VNN2: variants seen among roughly 807,000 people sequenced by gnomAD.
VNN2 encodes vanin 2.
In VNN2, 43 loss-of-function variants were observed where a neutral mutation model predicts 43.0. The observed-to-expected ratio is 1.00, with a 90% CI of 0.78 to 1.29. The LOEUF (loss-of-function observed/expected upper bound fraction) is 1.29, where lower values mean the gene tolerates loss of function less well. Among genes scored for constraint, VNN2 ranks in the 50% most tolerant of loss-of-function variants. The pLI is 0.00. For missense variants in VNN2, 652 were observed against 619.7 expected, an observed-to-expected ratio of 1.05 and a Z score of -0.55; for synonymous variants, 230 against 224.3, an observed-to-expected ratio of 1.03 and a Z score of -0.23.
intron 5 of VNN2, among the ~76,000 whole-genome samples, chr6:132,750,848 C>A (rs1780028228): frequency 6.6e-6 from 1 of 152,078 alleles, no homozygotes; most frequent in Non-Finnish European, 1.5e-5. Context: ...TCTTGATGTT[C>A]TCCACAGTAG....
chr6:132,757,717 T>C lies in VNN2; in HGVS notation c.167A>G (p.Glu56Gly), dbSNP rs756319170. 6 of 1,614,202 alleles carry C rather than the reference T, an allele frequency of 3.7e-6. No individual in the cohort carries two copies. The Admixed American group carries it at 1.0e-4, about 27-fold the overall frequency. ...SQEDALNLMNENIDILETAIK... is the reference protein window; with the variant it reads ...SQEDALNLMNGNIDILETAIK... Reference sequence around the variant, plus strand: ...CGCTGTCTCCAGAATGTCTATATTCTCGTTCATGAGATTCAAGGCATCCTC... The same window carrying C: ...CGCTGTCTCCAGAATGTCTATATTCCCGTTCATGAGATTCAAGGCATCCTC... The change falls in exon 1 of 7, where the codon GAG becomes GGG. Residue 56 changes from glutamate to glycine, a missense_variant. By Grantham distance (98) the Glu-to-Gly change is moderately conservative. Coordinates refer to ENST00000326499, the MANE Select transcript of VNN2 (RefSeq NM_004665.6).
upstream of VNN2, among the ~76,000 whole-genome samples, chr6:132,761,400 T>A (rs1373907900): frequency 6.7e-6 from 1 of 148,610 alleles, no homozygotes; most frequent in Admixed American, 6.7e-5. Flanking sequence ...TGACTCATGG[T>A]TGTAATCCCT....
chr6:132,753,134 C>T (rs1780233068), intron 3 of VNN2: 1 of 200,080 alleles, frequency 5.0e-6, no homozygotes, highest in African/African-American at 2.4e-5. Flanking sequence ...GCAATCTCCA[C>T]CTCCTGAGTT....
upstream of VNN2, among the ~76,000 whole-genome samples, chr6:132,758,908 G>A (rs542295032): frequency 2.6e-5 from 4 of 152,102 alleles, no homozygotes; most frequent in East Asian, 3.9e-4. Flanking sequence ...AGGATACTCC[G>A]CTTCTTTCCT....
chr6:132,761,942 G>A (rs781167004), upstream of VNN2, among the ~76,000 whole-genome samples: 8 of 152,078 alleles, frequency 5.3e-5, no homozygotes, highest in African/African-American at 1.2e-4. Flanking sequence ...AGACTACAAC[G>A]CAGATGACAA....
intron 6 of VNN2, 110 bp from the exon 7 acceptor site, chr6:132,744,601 AT>A: frequency 9.0e-7 from 1 of 1,114,970 alleles, no homozygotes; most frequent in Non-Finnish European, 1.2e-6. Context: ...ATCATTTCTG[AT>A]TTAGGAGGAT....
chr6:132,750,135 C>T lies in VNN2; in HGVS notation c.1201-270G>A, dbSNP rs556576581. Among the ~76,000 whole-genome samples, 475 of 152,186 alleles carry T rather than the reference C, an allele frequency of 3.1e-3. 1 individual carries two copies. The highest frequency in any genetic ancestry group is 5.4e-3 in the Non-Finnish European group (367 of 68,012). On this transcript the variant is annotated intron_variant, in intron 5 of 6. Transcript: ENST00000326499. ...AGTTTGGTATGTCAGATGATGGCAT[C>T]GAGCTCAATGAAGTGGAGATCTTTG...
rs571321739 is a variant in VNN2, at chr6:132,750,864, T to C, written c.1200+281A>G. On this transcript the variant is annotated intron_variant, in intron 5 of 6. Transcript: ENST00000326499. ...CTTGATGTTCTCCACAGTAGGCTGG[T>C]TTATTAGTCAAATCGAAACTCATCA... is the stretch of plus-strand genomic sequence containing the variant. Among the ~76,000 whole-genome samples, 23 of 152,296 alleles carry C rather than the reference T, an allele frequency of 1.5e-4. No homozygotes were observed. In the East Asian group the frequency reaches 2.9e-3, roughly 19 times the overall value.
Position 132,751,386 on chromosome 6 carries a change from C to T in VNN2, c.959G>A (p.Trp320Ter), listed in dbSNP as rs530061512. The change falls in exon 5 of 7, where the codon TGG becomes TAG. Residue 320 changes from tryptophan (W) to a stop codon, truncating the protein, a stop_gained. Transcript: ENST00000326499. LOFTEE classifies it high-confidence loss of function. ...TTTGATGGTGGTGGCGTAGGCATTC[C>T]AATTAACAGCTGTTGGGTAGGCAAG... Reference protein sequence around the residue: ...SSLAYPTAVNWNAYATTIKPF... With the variant: ...SSLAYPTAVN 6 of 1,614,116 alleles carry T rather than the reference C, an allele frequency of 3.7e-6. No individual in the cohort carries two copies. The South Asian group carries it at 5.5e-5, about 15-fold the overall frequency.
intron 5 of VNN2, among the ~76,000 whole-genome samples, chr6:132,750,572 G>A (rs1780005725): frequency 1.4e-5 from 2 of 146,248 alleles, no homozygotes; most frequent in Non-Finnish European, 1.5e-5. Flanking sequence ...GCTGAGGCAT[G>A]AGAATCGCTT....
upstream of VNN2, among the ~76,000 whole-genome samples, chr6:132,762,481 G>T (rs112551124): frequency 2.6e-5 from 4 of 152,298 alleles, no homozygotes; most frequent in African/African-American, 9.6e-5. Flanking sequence ...TCCAAAAAAA[G>T]TACTTAATGG....
chr6:132,751,539 T>G, intron 4 of VNN2, 21 bp from the exon 5 acceptor site: 2 of 1,583,056 alleles, frequency 1.3e-6, no homozygotes, highest in Non-Finnish European at 1.7e-6. Flanking sequence ...AAGACAAGTC[T>G]TCTAAAAACA....
intron 6 of VNN2, among the ~76,000 whole-genome samples, chr6:132,745,996 G>A (rs997100219): frequency 1.3e-5 from 2 of 152,204 alleles, no homozygotes; most frequent in Non-Finnish European, 2.9e-5. Flanking sequence ...TATCCTAGAA[G>A]ATAATGATTG....
intron 1 of VNN2, among the ~76,000 whole-genome samples, chr6:132,763,092 A>T (rs1780775016): frequency 6.6e-6 from 1 of 152,310 alleles, no homozygotes; most frequent in South Asian, 2.1e-4. Context: ...AGCTTTTGGT[A>T]AAGTCGGGAT....
At chr6:132,758,043 T>TCTTCTTCTTCTTCTTCTTCTTC (rs374005582), upstream of VNN2, 3 of 358,638 alleles carry the variant, frequency 8.4e-6, no homozygotes, top group African/African-American at 8.6e-5. Flanking sequence ...CTTCTTCTTT[T>TCTTCTTCTTCTTCTTCTTCTTC]TTTTTTTTTT....
At chr6:132,759,213 G>C (rs193126500), upstream of VNN2, among the ~76,000 whole-genome samples, 14 of 152,134 alleles carry the variant, frequency 9.2e-5, 1 homozygote, top group Admixed American at 9.2e-4. Context: ...GAGGCAGGCA[G>C]ATCACCTGAG....
chr6:132,758,030 C>CTTA, upstream of VNN2: 2 of 72,044 alleles, frequency 2.8e-5, no homozygotes, highest in Non-Finnish European at 4.3e-5. Context: ...TCTTCTTCTT[C>CTTA]TTCTTCTTCT....
intron 6 of VNN2, among the ~76,000 whole-genome samples, chr6:132,745,435 C>T (rs1162820979): frequency 1.3e-5 from 2 of 152,150 alleles, no homozygotes; most frequent in African/African-American, 4.8e-5. Context: ...AGGCTGTTCT[C>T]GAACTCCTGG....
chr6:132,751,132 G>T lies in VNN2; in HGVS notation c.1200+13C>A. 1.3e-6 allele frequency: 2 copies of T among 1,557,716 alleles called. No individual in the cohort carries two copies. The highest frequency in any genetic ancestry group is 1.2e-5 in the South Asian group (1 of 83,018). On this transcript the variant is annotated intron_variant, in intron 5 of 6. Coordinates refer to ENST00000326499, the MANE Select transcript of VNN2 (RefSeq NM_004665.6). ...CTTTCACTTGAATGCCCTTTCATTT[G>T]AACTGAAATTACCTGCCAGTACTCT...
Sources: allele counts gnomAD v4.1 joint callset (sites outside exome capture counted in the v4.1 genomes callset), GRCh38; gene constraint gnomAD v4.1.1; transcripts MANE v1.5; gene names NCBI Gene and HGNC (gene_info 2026-07-23, HGNC 2026-07-21).